Variants in PITPNM3 observed in about 807,000 individuals in gnomAD.
The protein encoded by PITPNM3 is membrane-associated phosphatidylinositol transfer protein 3.
A neutral mutation model predicts 102.0 loss-of-function variants in PITPNM3; 26 were observed. That is an observed-to-expected ratio of 0.25 (90% CI 0.19 to 0.35). PITPNM3 has a LOEUF of 0.35. Among genes scored for constraint, PITPNM3 ranks in the 10% least tolerant of loss-of-function variants. The pLI is 1.00. For missense variants in PITPNM3, 1,083 were observed against 1,346.1 expected, an observed-to-expected ratio of 0.80 and a Z score of 3.06; for synonymous variants, 578 against 558.6, an observed-to-expected ratio of 1.03 and a Z score of -0.49.
chr17:6,518,260 C>A (rs1479731213), intron 3 of PITPNM3, among the ~76,000 whole-genome samples: 1 of 152,164 alleles, frequency 6.6e-6, no homozygotes, highest in Non-Finnish European at 1.5e-5. Flanking sequence ...AGGTTTTGAA[C>A]TATGTAGACA....
chr17:6,521,715 C>CA (rs1361638336), intron 3 of PITPNM3, among the ~76,000 whole-genome samples: 6 of 151,590 alleles, frequency 4.0e-5, no homozygotes, highest in African/African-American at 1.5e-4. Context: ...GTGCCAGAAA[C>CA]AAAAAAGGAA....
chr17:6,479,046 T>G, intron 6 of PITPNM3: 1 of 370,802 alleles, frequency 2.7e-6, no homozygotes, highest in East Asian at 4.5e-5. Flanking sequence ...ACCCCAATCA[T>G]AGAGGAAGAA....
At chr17:6,542,157 C>G (rs927059266) in intron 1 of PITPNM3, among the ~76,000 whole-genome samples, 2 of 152,234 alleles carry the variant, frequency 1.3e-5, no homozygotes, top group Non-Finnish European at 2.9e-5. Flanking sequence ...CCTGGCTCCT[C>G]ATGGGGGCCC....
chr17:6,496,103 C>G (rs540890432), intron 4 of PITPNM3, among the ~76,000 whole-genome samples: 4 of 152,278 alleles, frequency 2.6e-5, no homozygotes, highest in Admixed American at 2.0e-4. Flanking sequence ...GGGGTGGGAA[C>G]AACCCCAGGG....
intron 1 of PITPNM3, among the ~76,000 whole-genome samples, chr17:6,555,089 C>CA (rs1910531561): frequency 6.6e-6 from 1 of 152,136 alleles, no homozygotes; most frequent in Non-Finnish European, 1.5e-5. Flanking sequence ...AAGAGGGAGG[C>CA]AAGAAGCCTT....
Position 6,452,798 on chromosome 17 carries a change from A to C in PITPNM3, c.*2540T>G, listed in dbSNP as rs1163854694. 1.3e-5 allele frequency: 2 copies of C among 152,036 alleles called. No individual in the cohort carries two copies. The highest frequency in any genetic ancestry group is 2.9e-5 in the Non-Finnish European group (2 of 68,024). The allele number at this position is 152,036 out of a possible 1,614,324, so 9.4% of individuals were successfully genotyped here. A position where few individuals can be genotyped will look rare whatever the true frequency, so the allele number is the denominator to read the frequency against. ...CATCAGCCAAAGCCCCGATCCTCCT[A>C]CCTGATTGCTGCTTGGAACCAGAGC... On this transcript the variant is annotated 3_prime_UTR_variant, in exon 20 of 20. Coordinates refer to ENST00000262483, the MANE Select transcript of PITPNM3 (RefSeq NM_031220.4).
chr17:6,500,415 G>T (rs145210612), intron 4 of PITPNM3, among the ~76,000 whole-genome samples: 2 of 152,038 alleles, frequency 1.3e-5, no homozygotes, highest in Non-Finnish European at 2.9e-5. Context: ...CATTACCATC[G>T]ATCGTCACCA....
rs886053279 is a variant in PITPNM3, at chr17:6,451,889, C to CT, written c.*3448_*3449insA. ...GGCACCCAAACCCCCCCCCCCCGCC[C>CT]GCCGATGGGATTCGGTGGGAAAGTT... On this transcript the variant is annotated 3_prime_UTR_variant, in exon 20 of 20. Transcript: ENST00000262483. 1 of 19,256 alleles carries CT rather than the reference C, an allele frequency of 5.2e-5. No homozygotes were observed. The highest frequency in any genetic ancestry group is 2.3e-4 in the African/African-American group (1 of 4,350). 1.2% of individuals were successfully genotyped at this position (19,256 alleles called of 1,614,324 possible). A position where few individuals can be genotyped will look rare whatever the true frequency, so the allele number is the denominator to read the frequency against.
intron 9 of PITPNM3, 134 bp downstream of exon 9, chr17:6,476,895 G>A (rs555210477): frequency 4.1e-5 from 44 of 1,078,776 alleles, no homozygotes; most frequent in African/African-American, 3.9e-4. Flanking sequence ...GGCCGATGGC[G>A]AGTGGCCTTG....
intron 4 of PITPNM3, among the ~76,000 whole-genome samples, chr17:6,497,620 G>A (rs1477706642): frequency 6.6e-6 from 1 of 152,234 alleles, no homozygotes; most frequent in Non-Finnish European, 1.5e-5. Context: ...GCTCTAATGT[G>A]TGGACGTGGC....
chr17:6,545,285 T>C (rs749345093), intron 1 of PITPNM3, among the ~76,000 whole-genome samples: 11 of 152,280 alleles, frequency 7.2e-5, no homozygotes, highest in Non-Finnish European at 1.3e-4. Context: ...GCGTGTTAAA[T>C]AAAATAATAA....
chr17:6,493,190 C>A (rs1295007687), intron 4 of PITPNM3, among the ~76,000 whole-genome samples: 1 of 152,220 alleles, frequency 6.6e-6, no homozygotes, highest in Admixed American at 6.5e-5. Context: ...TACTTCTCAA[C>A]CTCTAAGGCT....
chr17:6,457,617 T>G lies in PITPNM3; in HGVS notation c.2596A>C (p.Lys866Gln), dbSNP rs769750026. 3 of 1,613,412 alleles carry G rather than the reference T, an allele frequency of 1.9e-6. No homozygotes were observed. The highest frequency in any genetic ancestry group is 2.5e-6 in the Non-Finnish European group (3 of 1,179,888). The change falls in exon 19 of 20, where the codon AAG becomes CAG. Residue 866 changes from lysine to glutamine, a missense_variant. Transcript: ENST00000262483. This position sits in a 1 kb window ranked among gnomAD's most constrained non-coding sequence, Gnocchi z 4.7. ...SQIFIVGRPT[K>Q]KYQTQCQFLS... is the part of the protein sequence containing the mutation. ...ACCTGGCACTGGGTTTGGTACTTCT[T>G]GGTGGGCCGGCCCACAATGAAGATC...
At position 6,470,011 on chromosome 17, in the gene PITPNM3, C is replaced by T. The variant is rs1178885812; in HGVS notation, c.1773+249G>A. ...GTTGAAACACTGGGACACTCTCCTGCGTAGTTTATATTTAATTTTCTAGAG... is the reference window on the plus strand; with the variant it reads ...GTTGAAACACTGGGACACTCTCCTGTGTAGTTTATATTTAATTTTCTAGAG... On this transcript the variant is annotated intron_variant, in intron 13 of 19. Transcript: ENST00000262483. This position sits in a 1 kb window ranked among gnomAD's most constrained non-coding sequence, Gnocchi z 4.8. Among the ~76,000 whole-genome samples, 2 of 152,200 alleles carry T rather than the reference C, an allele frequency of 1.3e-5. No homozygotes were observed. The highest frequency in any genetic ancestry group is 2.9e-5 in the Non-Finnish European group (2 of 68,038).
At chr17:6,511,602 G>A (rs1364354538) in intron 3 of PITPNM3, among the ~76,000 whole-genome samples, 2 of 152,196 alleles carry the variant, frequency 1.3e-5, no homozygotes, top group African/African-American at 4.8e-5. Context: ...AAAATCAAGT[G>A]TGTGGAGCCT....
intron 16 of PITPNM3, 112 bp from the exon 17 acceptor site, chr17:6,463,993 G>A: frequency 1.3e-6 from 2 of 1,546,608 alleles, no homozygotes; most frequent in Non-Finnish European, 1.8e-6. Context: ...AGGTCAGAGA[G>A]CACCTGGGTG....
At chr17:6,533,485 C>T (rs1257087708) in intron 2 of PITPNM3, among the ~76,000 whole-genome samples, 2 of 139,250 alleles carry the variant, frequency 1.4e-5, no homozygotes, top group Non-Finnish European at 3.2e-5. Context: ...GGCAGAGTCT[C>T]GCCCTGTCAC....
chr17:6,482,420 G>A (rs896484820), intron 6 of PITPNM3, among the ~76,000 whole-genome samples: 8 of 152,116 alleles, frequency 5.3e-5, no homozygotes, highest in Non-Finnish European at 8.8e-5. Context: ...GGGAAGCTCC[G>A]TGCCCCTTCC....
rs778491739 is a variant in PITPNM3, at chr17:6,463,779, G to A, written c.2259C>T (p.Ile753=). The stretch of plus-strand genomic sequence containing the variant: ...GCCGGACCTTGGGGTCGCTTCCCAT[G>A]ATAGACACGCTGGCCGCGAAGGACC... ...IDGSFAASVS[I]MGSDPKVRPG... Residue 753 remains isoleucine, a synonymous_variant, in exon 17 of 20, where the codon ATC becomes ATT. Transcript: ENST00000262483. The A allele has an allele frequency of 6.2e-7, 1 of 1,612,652 alleles. No homozygotes were observed. The highest frequency in any genetic ancestry group is 1.3e-5 in the African/African-American group (1 of 74,906).
Sources: allele counts gnomAD v4.1 joint callset (sites outside exome capture counted in the v4.1 genomes callset), GRCh38; gene constraint gnomAD v4.1.1; non-coding constraint Gnocchi (gnomAD v3.1); transcripts MANE v1.5; gene names NCBI Gene and HGNC (gene_info 2026-07-23, HGNC 2026-07-21).